GLYATL2: variants seen among roughly 807,000 people sequenced by gnomAD.
The protein encoded by GLYATL2 is glycine N-acyltransferase-like protein 2.
Under a neutral mutation model 21.4 loss-of-function variants are expected in GLYATL2, and 25 were observed. The ratio of observed to expected loss-of-function variants is 1.17; its 90% CI spans 0.85 to 1.63. The LOEUF is 1.63. GLYATL2 is among the 40% of genes most tolerant of loss of function. GLYATL2 has a pLI of 0.00. For missense variants in GLYATL2, 361 were observed against 343.3 expected (o/e 1.05, Z -0.41); for synonymous variants, 114 against 118.2 (o/e 0.96, Z 0.23).
At chr11:58,877,138 AG>A (rs1023966530) in intron 1 of GLYATL2, among the ~76,000 whole-genome samples, 153 of 152,336 alleles carry the variant, frequency 1.0e-3, no homozygotes, top group African/African-American at 3.5e-3. Flanking sequence ...CTGTTGGAAA[AG>A]CACAGTATTA....
At chr11:58,881,650 C>T (rs1311135890) in intron 1 of GLYATL2, among the ~76,000 whole-genome samples, 1 of 152,064 alleles carries the variant, frequency 6.6e-6, no homozygotes. Flanking sequence ...AGGTTTGTTA[C>T]ATATGTATAC....
chr11:58,861,408 T>C (rs1331854876), intron 1 of GLYATL2, among the ~76,000 whole-genome samples: 1 of 152,042 alleles, frequency 6.6e-6, no homozygotes, highest in Non-Finnish European at 1.5e-5. Flanking sequence ...TCCTTTGTGA[T>C]ATAAGTTGTA....
intron 1 of GLYATL2, among the ~76,000 whole-genome samples, chr11:58,853,340 A>G (rs866878186): frequency 6.6e-6 from 1 of 152,330 alleles, no homozygotes; most frequent in South Asian, 2.1e-4. Context: ...CACATCTGCA[A>G]CCAAATACAG....
At chr11:58,880,718 A>T (rs1265311030) in intron 1 of GLYATL2, among the ~76,000 whole-genome samples, 1 of 152,200 alleles carries the variant, frequency 6.6e-6, no homozygotes, top group Non-Finnish European at 1.5e-5. Context: ...CAGGGGATAG[A>T]CTCATGTCAG....
chr11:58,874,957 A>G (rs1854198943), intron 1 of GLYATL2, among the ~76,000 whole-genome samples: 1 of 152,318 alleles, frequency 6.6e-6, no homozygotes, highest in East Asian at 1.9e-4. Context: ...GACTTGCTTT[A>G]TGAATCTGGG....
At chr11:58,896,139 G>GCTAC (rs1177054519) in intron 1 of GLYATL2, among the ~76,000 whole-genome samples, 1 of 152,128 alleles carries the variant, frequency 6.6e-6, no homozygotes, top group Non-Finnish European at 1.5e-5. Context: ...ACAGGCATGA[G>GCTAC]CTACCGCACC....
At chr11:58,837,514 G>C in intron 3 of GLYATL2, 117 bp from the exon 4 acceptor site, 2 of 1,011,182 alleles carry the variant, frequency 2.0e-6, no homozygotes, top group South Asian at 1.6e-5. Flanking sequence ...TCTGAGACAG[G>C]TGTAGAAAAT....
intron 1 of GLYATL2, among the ~76,000 whole-genome samples, chr11:58,901,655 T>A (rs1334496050): frequency 2.0e-5 from 3 of 149,650 alleles, no homozygotes; most frequent in Admixed American, 6.7e-5. Context: ...AGCTCTAAGG[T>A]TAAAATCCTA....
chr11:58,862,359 G>T (rs1457460238), intron 1 of GLYATL2, among the ~76,000 whole-genome samples: 1 of 152,056 alleles, frequency 6.6e-6, no homozygotes, highest in Non-Finnish European at 1.5e-5. Flanking sequence ...CCCAGACTTG[G>T]AAAGTATTCT....
At chr11:58,904,267 A>G (rs927098196), upstream of GLYATL2, 2 of 152,192 alleles carry the variant, frequency 1.3e-5, no homozygotes, top group African/African-American at 4.8e-5. Context: ...CGCAGCTGCC[A>G]GAGAGATTTT....
In GLYATL2 at chr11:58,901,092, A is replaced by C. The variant is rs2156349; in HGVS notation, n.60+3064T>G. On this transcript the variant is annotated intron_variant and non_coding_transcript_variant, in intron 1 of 4. Coordinates refer to the GLYATL2 transcript ENST00000533636. ...TAAGCGCTTGGCTTGTGTACTCAGG[A>C]CGGTGCTAAAAGGGGGCTGCCTGCG... Among the ~76,000 whole-genome samples the C allele has an allele frequency of 2.0e-5, 3 of 152,024 alleles. No homozygotes were observed. In the East Asian group the frequency reaches 5.8e-4, roughly 29 times the overall value.
chr11:58,865,105 T>C (rs562314477), intron 1 of GLYATL2, among the ~76,000 whole-genome samples: 3 of 146,600 alleles, frequency 2.0e-5, no homozygotes, highest in South Asian at 4.4e-4. Flanking sequence ...ATGAAACACA[T>C]ACAGCTTTTT....
At chr11:58,882,554 T>G (rs769410255) in intron 1 of GLYATL2, among the ~76,000 whole-genome samples, 4 of 152,216 alleles carry the variant, frequency 2.6e-5, no homozygotes, top group Non-Finnish European at 4.4e-5. Context: ...TGATGGTAGT[T>G]TCTTTTGCCA....
intron 1 of GLYATL2, among the ~76,000 whole-genome samples, chr11:58,863,367 A>G (rs1392535917): frequency 2.0e-5 from 3 of 152,092 alleles, no homozygotes. Context: ...GCAGGATTAG[A>G]GCCTGCAACT....
intron 1 of GLYATL2, chr11:58,885,588 C>A (rs1350900879): frequency 2.8e-6 from 1 of 355,516 alleles, no homozygotes; most frequent in Non-Finnish European, 5.5e-6. Flanking sequence ...GCCCAAAGGG[C>A]CTGAGGAACT....
rs1590743347 is a variant in GLYATL2 at position 58,879,865 on chromosome 11, TTTTTTTC to T, written n.60+24284_60+24290del. On this transcript the variant is annotated intron_variant and non_coding_transcript_variant, in intron 1 of 4. Transcript: ENST00000533636. Reference sequence around the variant, plus strand: ...TTCTTTTTTTCCTTGTTTTTTTTTTTTTTTTTCTTTGGAGACAGAGTCTTGCTCTGTC... The same window carrying T: ...TTCTTTTTTTCCTTGTTTTTTTTTTTTTTGGAGACAGAGTCTTGCTCTGTC... Among the ~76,000 whole-genome samples the T allele has an allele frequency of 3.3e-5, 5 of 151,206 alleles. No homozygotes were observed. The East Asian group carries it at 9.7e-4, about 29-fold the overall frequency.
intron 1 of GLYATL2, among the ~76,000 whole-genome samples, chr11:58,883,558 A>T (rs1436498968): frequency 6.6e-6 from 1 of 152,234 alleles, no homozygotes; most frequent in Non-Finnish European, 1.5e-5. Context: ...CAGGCTCTGA[A>T]ATTGAGACAA....
Position 58,867,077 on chromosome 11 carries a change from A to T in GLYATL2, n.61-28709T>A, listed in dbSNP as rs1314582093. Among the ~76,000 whole-genome samples the T allele has an allele frequency of 2.7e-5, 4 of 148,854 alleles. 1 individual carries two copies. Among genetic ancestry groups the T allele is most frequent in the Admixed American group, 2.1e-4 (3 of 14,470 alleles). ...GGGGCTCCACCAGCCTCCCACAGAC[A>T]CTCAGCCATGCGGTTCCCATTCCCT... On this transcript the variant is annotated intron_variant and non_coding_transcript_variant, in intron 1 of 4. Coordinates refer to the GLYATL2 transcript ENST00000533636.
chr11:58,841,978 G>A (rs1373573009), intron 1 of GLYATL2, among the ~76,000 whole-genome samples: 1 of 152,110 alleles, frequency 6.6e-6, no homozygotes, highest in African/African-American at 2.4e-5. Context: ...GAATATCGAA[G>A]GACAGAGGAG....
Sources: gnomAD v4.1 joint callset for allele counts (sites outside exome capture counted in the v4.1 genomes callset) on GRCh38, gnomAD v4.1.1 for gene constraint, MANE v1.5 for transcripts, NCBI Gene and HGNC (gene_info 2026-07-23, HGNC 2026-07-21) for gene names.